MPRIP: variants seen among roughly 807,000 people sequenced by gnomAD.
MPRIP encodes myosin phosphatase Rho-interacting protein.
In MPRIP, 59 loss-of-function variants were observed where a neutral mutation model predicts 234.9. The ratio of observed to expected loss-of-function variants is 0.25; its 90% CI spans 0.20 to 0.31. MPRIP has a LOEUF of 0.31. MPRIP is among the 10% of genes least tolerant of loss of function. The pLI, the probability that MPRIP is intolerant of heterozygous loss-of-function variation, is 1.00. For missense variants in MPRIP, 2,436 were observed against 3,071.0 expected (o/e 0.79, Z 4.89); for synonymous variants, 1,144 against 1,263.9 (o/e 0.91, Z 2.01).
Position 17,167,723 on chromosome 17 carries a change from G to C in MPRIP, c.6132G>C (p.Lys2044Asn). Reference protein sequence around the residue: ...TLCLHQGPHPKALPAPAPNWQ... With the variant: ...TLCLHQGPHPNALPAPAPNWQ... ...GCCTCCACCAGGGGCCACACCCCAA[G>C]GCCCTGCCAGCCCCTGCCCCCAACT... is the stretch of plus-strand genomic sequence containing the variant. The change falls in exon 16 of 24, where the codon AAG (lysine) becomes AAC (asparagine). Residue 2044 changes from lysine to asparagine, a missense_variant. Coordinates refer to ENST00000651222, the MANE Select transcript of MPRIP (RefSeq NM_001364716.4). This position sits in a 1 kb window ranked among gnomAD's most constrained non-coding sequence, Gnocchi z 5.9. 1 of 1,304,164 alleles carries C rather than the reference G, an allele frequency of 7.7e-7. No homozygotes were observed. The highest frequency in any genetic ancestry group is 1.0e-6 in the Non-Finnish European group (1 of 988,950). The allele number at this position is 1,304,164 out of a possible 1,614,324, so 80.8% of individuals were successfully genotyped here.
At chr17:17,146,188 A>G (rs369900422) in intron 10 of MPRIP, 96 bp downstream of exon 10, 1 of 1,089,446 alleles carries the variant, frequency 9.2e-7, no homozygotes, top group Non-Finnish European at 1.4e-6. Context: ...TGCTGGCTCC[A>G]TGCCTTCCTC....
intron 1 of MPRIP, among the ~76,000 whole-genome samples, chr17:17,067,094 C>T (rs1051466048): frequency 2.6e-5 from 4 of 152,102 alleles, no homozygotes; most frequent in Non-Finnish European, 5.9e-5. Flanking sequence ...CACTTCATCA[C>T]GCACAAGGGC....
At position 17,164,811 on chromosome 17, in the gene MPRIP, G is replaced by A. The variant is rs1305076940; in HGVS notation, c.3220G>A (p.Glu1074Lys). 10 of 1,304,074 alleles carry A rather than the reference G, an allele frequency of 7.7e-6. No individual in the cohort carries two copies. Among genetic ancestry groups the A allele is most frequent in the Admixed American group, 2.3e-5 (1 of 43,558 alleles). 80.8% of individuals were successfully genotyped at this position (1,304,074 alleles called of 1,614,324 possible). A position where few individuals can be genotyped will look rare whatever the true frequency, so the allele number is the denominator to read the frequency against. Residue 1074 changes from glutamate to lysine, a missense_variant, in exon 16 of 24, where the codon GAG (glutamate) becomes AAG (lysine). This residue lies in a region of MPRIP where 1,998 missense variants were observed against 2,520.3 expected (regional missense o/e 0.79). Transcript: ENST00000651222. ...GAAGGAGAAGCTGAGCGCCACTTTC[G>A]AGGGCAGTGAGCAGGTGCACCAGCT... is the stretch of plus-strand genomic sequence containing the variant. ...LQKEKLSATF[E>K]GSEQVHQLEE...
At position 17,138,514 on chromosome 17, in the gene MPRIP, T is replaced by A. The variant is rs1342820787; in HGVS notation, c.1250+85T>A. The A allele has an allele frequency of 1.3e-5, 2 of 158,854 alleles. No homozygotes were observed. Among genetic ancestry groups the A allele is most frequent in the Non-Finnish European group, 2.7e-5 (2 of 72,736 alleles). 9.8% of individuals were successfully genotyped at this position (158,854 alleles called of 1,614,324 possible). Reference sequence around the variant, plus strand: ...CACATACACTCATACTCTCTGTTTCTCTCACATACAGTCCCCAAGCCTCCC... The same window carrying A: ...CACATACACTCATACTCTCTGTTTCACTCACATACAGTCCCCAAGCCTCCC... On this transcript the variant is annotated intron_variant, in intron 7 of 23. Coordinates refer to ENST00000651222, the MANE Select transcript of MPRIP (RefSeq NM_001364716.4). The surrounding 1 kb of genome is among the most constrained non-coding windows in gnomAD (Gnocchi z 5.8).
At chr17:17,079,843 C>T (rs901160539) in intron 3 of MPRIP, among the ~76,000 whole-genome samples, 1 of 152,210 alleles carries the variant, frequency 6.6e-6, no homozygotes, top group Admixed American at 6.5e-5. Context: ...GGCACAAGTG[C>T]AGAGCACATG....
chr17:17,141,116 C>T (rs2090806681), intron 7 of MPRIP, among the ~76,000 whole-genome samples: 1 of 152,192 alleles, frequency 6.6e-6, no homozygotes, highest in Admixed American at 6.5e-5. Flanking sequence ...CCCACAGTAC[C>T]ACGGCATGCG....
Position 17,093,537 on chromosome 17 carries a change from A to G in MPRIP, c.267+15461A>G, listed in dbSNP as rs58425170. Reference sequence around the variant, plus strand: ...TACCCATTTCTCTCCCTATCATGCAATAGTTACCCTTGGATCTTACTGTGC... The same window carrying G: ...TACCCATTTCTCTCCCTATCATGCAGTAGTTACCCTTGGATCTTACTGTGC... On this transcript the variant is annotated intron_variant, in intron 3 of 23. Transcript: ENST00000651222. Among the ~76,000 whole-genome samples, 1,152 of 152,288 alleles carry G rather than the reference A, an allele frequency of 7.6e-3. 33 individuals are homozygous for G. Among genetic ancestry groups the G allele is most frequent in the East Asian group, 0.063 (326 of 5,182 alleles).
chr17:17,111,710 G>A (rs999186260), intron 3 of MPRIP, among the ~76,000 whole-genome samples: 5 of 152,136 alleles, frequency 3.3e-5, no homozygotes, highest in Non-Finnish European at 5.9e-5. Flanking sequence ...TGGGAACTGC[G>A]GACTGACTCA....
chr17:17,164,210 G>A lies in MPRIP; in HGVS notation c.2619G>A (p.Leu873=). The A allele has an allele frequency of 7.7e-7, 1 of 1,304,374 alleles. No homozygotes were observed. The highest frequency in any genetic ancestry group is 1.2e-5 in the South Asian group (1 of 81,034). The allele number at this position is 1,304,374 out of a possible 1,614,324, so 80.8% of individuals were successfully genotyped here. ...ELEAQCQRQE[L]ITHQIQTLKR... is the part of the protein sequence containing the mutation. ...AAGCCCAGTGCCAGCGCCAGGAGCTGATTACACACCAGATTCAGACCCTGA... is the reference window on the plus strand; with the variant it reads ...AAGCCCAGTGCCAGCGCCAGGAGCTAATTACACACCAGATTCAGACCCTGA... Residue 873 remains leucine (L), a synonymous_variant, in exon 16 of 24, where the codon CTG becomes CTA. Transcript: ENST00000651222.
At chr17:17,061,972 T>A (rs764734687) in intron 1 of MPRIP, among the ~76,000 whole-genome samples, 3 of 144,390 alleles carry the variant, frequency 2.1e-5, no homozygotes, top group Non-Finnish European at 4.6e-5. Context: ...GACATGATCA[T>A]TTTTTTTTTT....
chr17:17,188,253 A>G lies in MPRIP; in HGVS notation c.*3359A>G, dbSNP rs201673084. ...GGAAGCCTGTGCTTCAGGGAGTCAT[A>G]ATGGGCCTGTGCTAAGTGGGTGATG... is the stretch of plus-strand genomic sequence containing the variant. On this transcript the variant is annotated 3_prime_UTR_variant, in exon 24 of 24. Coordinates refer to ENST00000651222, the MANE Select transcript of MPRIP (RefSeq NM_001364716.4). 9 of 152,462 alleles carry G rather than the reference A, an allele frequency of 5.9e-5. No individual in the cohort carries two copies. In the East Asian group the frequency reaches 1.3e-3, roughly 23 times the overall value. The allele number at this position is 152,462 out of a possible 1,614,324, so 9.4% of individuals were successfully genotyped here. A position where few individuals can be genotyped will look rare whatever the true frequency, so the allele number is the denominator to read the frequency against.
At chr17:17,057,892 G>A (rs1039115652) in intron 1 of MPRIP, 15 of 565,918 alleles carry the variant, frequency 2.7e-5, no homozygotes, top group Non-Finnish European at 4.7e-5. Flanking sequence ...TACACAAAAG[G>A]ATACAAGCAG....
chr17:17,157,032 G>A (rs2045744939), intron 13 of MPRIP, among the ~76,000 whole-genome samples: 1 of 152,154 alleles, frequency 6.6e-6, no homozygotes, highest in African/African-American at 2.4e-5. Flanking sequence ...GTCCTCAGGT[G>A]GGCTTGCAAC....
At chr17:17,062,884 G>A (rs1402563360) in intron 1 of MPRIP, among the ~76,000 whole-genome samples, 4 of 152,220 alleles carry the variant, frequency 2.6e-5, no homozygotes, top group Non-Finnish European at 5.9e-5. Flanking sequence ...TGGAAGCATC[G>A]TGGCTCTTGC....
rs748476433 is a variant in MPRIP at position 17,158,401 on chromosome 17, G to A, written c.1830-31G>A. The A allele has an allele frequency of 3.3e-6, 5 of 1,519,412 alleles. No homozygotes were observed. In the East Asian group the frequency reaches 1.1e-4, roughly 35 times the overall value. 94.1% of individuals were successfully genotyped at this position (1,519,412 alleles called of 1,614,324 possible). A position where few individuals can be genotyped will look rare whatever the true frequency, so the allele number is the denominator to read the frequency against. On this transcript the variant is annotated intron_variant, in intron 13 of 23. Transcript: ENST00000651222. ...GGCAGGCCACACCAGAGCCGCCCCT[G>A]ACAGGCTATGTCCATCCTCCTGCCC...
At chr17:17,135,345 A>G (rs1480960974) in intron 5 of MPRIP, among the ~76,000 whole-genome samples, 1 of 152,214 alleles carries the variant, frequency 6.6e-6, no homozygotes, top group Non-Finnish European at 1.5e-5. Flanking sequence ...CATCTGGGCT[A>G]CTGGCTTGTA....
chr17:17,072,519 A>C (rs1275188095), intron 1 of MPRIP, among the ~76,000 whole-genome samples: 1 of 152,220 alleles, frequency 6.6e-6, no homozygotes, highest in Non-Finnish European at 1.5e-5. Context: ...GGTAGAAATT[A>C]GTTCTGTGAT....
At chr17:17,057,796 C>T in intron 1 of MPRIP, 1 of 695,198 alleles carries the variant, frequency 1.4e-6, no homozygotes. Flanking sequence ...TGAAGCATGA[C>T]CTCCAGGGAT....
intron 1 of MPRIP, among the ~76,000 whole-genome samples, chr17:17,058,210 G>A (rs1186169692): frequency 6.6e-6 from 1 of 152,178 alleles, no homozygotes; most frequent in African/African-American, 2.4e-5. Context: ...TAGTCCTGTG[G>A]CACAGTAAAG....
Sources: gnomAD v4.1 joint callset for allele counts (sites outside exome capture counted in the v4.1 genomes callset) on GRCh38, gnomAD v4.1.1 for gene constraint, gnomAD v4.1.1 regional missense constraint, Gnocchi (gnomAD v3.1) non-coding constraint, MANE v1.5 for transcripts, NCBI Gene and HGNC (gene_info 2026-07-23, HGNC 2026-07-21) for gene names.